PRKACB: variants seen among roughly 807,000 people sequenced by gnomAD.
PRKACB encodes cAMP-dependent protein kinase catalytic subunit beta.
A neutral mutation model predicts 51.4 loss-of-function variants in PRKACB; 16 were observed. The observed-to-expected ratio is 0.31, with a 90% CI of 0.21 to 0.47. PRKACB has a LOEUF of 0.47. PRKACB is among the 20% of genes least tolerant of loss of function. PRKACB has a pLI of 1.00. For synonymous variants in PRKACB, 147 were observed against 154.4 expected (o/e 0.95, Z 0.35); for missense variants, 309 against 464.5 (o/e 0.67, Z 3.08).
intron 8 of PRKACB, chr1:84,204,522 A>G (rs777875432): frequency 1.2e-5 from 19 of 1,603,854 alleles, no homozygotes; most frequent in Admixed American, 8.4e-5. Flanking sequence ...AGAAAAATTA[A>G]CAGACAAGGC....
At chr1:84,130,189 C>CAAAAAA (rs71097833) in intron 1 of PRKACB, among the ~76,000 whole-genome samples, 10 of 56,150 alleles carry the variant, frequency 1.8e-4, no homozygotes, top group Non-Finnish European at 2.6e-4. Context: ...GACTCCGTCT[C>CAAAAAA]AAAAAAAAAA....
At chr1:84,201,095 A>G (rs942403659) in intron 7 of PRKACB, among the ~76,000 whole-genome samples, 2 of 152,110 alleles carry the variant, frequency 1.3e-5, no homozygotes, top group Non-Finnish European at 2.9e-5. Context: ...GGGTCAAGGA[A>G]TAGGAACATT....
chr1:84,190,414 T>C (rs1369106691), intron 5 of PRKACB, among the ~76,000 whole-genome samples: 1 of 151,994 alleles, frequency 6.6e-6, no homozygotes, highest in African/African-American at 2.4e-5. Flanking sequence ...AATTGAGATA[T>C]TAGGCAGAGT....
At position 84,173,262 on chromosome 1, in the gene PRKACB, TG is replaced by T. The variant is rs1660130826; in HGVS notation, c.188-5912del. 8 of 1,277,178 alleles carry T rather than the reference TG, an allele frequency of 6.3e-6. No individual in the cohort carries two copies. The East Asian group carries it at 2.0e-4, about 32-fold the overall frequency. The allele number at this position is 1,277,178 out of a possible 1,614,324, so 79.1% of individuals were successfully genotyped here. Reference sequence around the variant, plus strand: ...CAGTACAGTAGTGAACATGTATAGATGGGTAACTTCTTGTAGGTATGTTATT... The same window carrying T: ...CAGTACAGTAGTGAACATGTATAGATGGTAACTTCTTGTAGGTATGTTATT... On this transcript the variant is annotated intron_variant, in intron 1 of 9. Transcript: ENST00000370685.
upstream of PRKACB, among the ~76,000 whole-genome samples, chr1:84,141,492 T>G (rs1266290210): frequency 1.3e-5 from 2 of 152,160 alleles, no homozygotes; most frequent in Non-Finnish European, 2.9e-5. Flanking sequence ...CTTTAAATAT[T>G]AAATATTCTA....
At chr1:84,151,663 G>A (rs893191611) in intron 1 of PRKACB, among the ~76,000 whole-genome samples, 8 of 152,168 alleles carry the variant, frequency 5.3e-5, no homozygotes, top group African/African-American at 1.9e-4. Context: ...ACCAGAAATA[G>A]ATTCCATCTC....
intron 1 of PRKACB, among the ~76,000 whole-genome samples, chr1:84,109,909 T>A (rs1650078000): frequency 1.3e-5 from 2 of 151,922 alleles, no homozygotes. Context: ...CTTTCCTTAT[T>A]TGTCTTTCAA....
chr1:84,154,474 A>G (rs1456622254), intron 1 of PRKACB, among the ~76,000 whole-genome samples: 1 of 152,122 alleles, frequency 6.6e-6, no homozygotes, highest in Admixed American at 6.6e-5. Flanking sequence ...TTCACTGGTG[A>G]ATTTCTATCA....
At chr1:84,228,344 T>C (rs1227743396) in intron 9 of PRKACB, among the ~76,000 whole-genome samples, 2 of 152,210 alleles carry the variant, frequency 1.3e-5, no homozygotes, top group Non-Finnish European at 2.9e-5. Flanking sequence ...ATCATGAATA[T>C]GAAACCTGCT....
rs191978450 is a variant in PRKACB at position 84,173,281 on chromosome 1, A to G, written c.188-5896A>G. The G allele has an allele frequency of 8.3e-4, 1,199 of 1,452,632 alleles. 6 individuals are homozygous for G. In the African/African-American group the frequency reaches 0.014, roughly 17 times the overall value. 90.0% of individuals were successfully genotyped at this position (1,452,632 alleles called of 1,614,324 possible). A position where few individuals can be genotyped will look rare whatever the true frequency, so the allele number is the denominator to read the frequency against. On this transcript the variant is annotated intron_variant, in intron 1 of 9. Coordinates refer to ENST00000370685, the MANE Select transcript of PRKACB (RefSeq NM_182948.4). ...TATAGATGGGTAACTTCTTGTAGGT[A>G]TGTTATTTTATGTGTTATTTAATCT...
chr1:84,154,557 C>T lies in PRKACB; in HGVS notation c.187+10009C>T, dbSNP rs186856221. ...CTGAAGAAGGGGAAATACTTCCAAG[C>T]TCATTTACCAGGGCAGCATTGCTCT... On this transcript the variant is annotated intron_variant, in intron 1 of 9. Transcript: ENST00000370685. Among the ~76,000 whole-genome samples the T allele has an allele frequency of 1.0e-3, 156 of 152,208 alleles. 2 individuals are homozygous for T. Among genetic ancestry groups the T allele is most frequent in the Admixed American group, 3.9e-3 (59 of 15,254 alleles).
chr1:84,204,236 G>C (rs1408776145), intron 8 of PRKACB, among the ~76,000 whole-genome samples: 1 of 151,780 alleles, frequency 6.6e-6, no homozygotes, highest in African/African-American at 2.4e-5. Context: ...TTTATTATCA[G>C]TATTCACAAA....
chr1:84,182,241 TG>T lies in PRKACB; in HGVS notation c.293del (p.Gly98GlufsTer11). ...AAGATTTTGAAAGGAAAAAAACCCT[TG>T]GAACAGGTTCATTTGGAAGAGTCAT... ...LEDFERKKTL[G>X]TGSFGRVMLV... is the part of the protein sequence containing the mutation. On this transcript the variant is annotated frameshift_variant, in exon 3 of 10. Coordinates refer to ENST00000370685, the MANE Select transcript of PRKACB (RefSeq NM_182948.4). LOFTEE classifies it high-confidence loss of function. 6.3e-7 allele frequency: 1 copy of T among 1,596,362 alleles called. No homozygotes were observed. Among genetic ancestry groups the T allele is most frequent in the Non-Finnish European group, 8.6e-7 (1 of 1,169,224 alleles).
chr1:84,155,086 TA>T (rs912329189), intron 1 of PRKACB, among the ~76,000 whole-genome samples: 12 of 152,120 alleles, frequency 7.9e-5, no homozygotes, highest in African/African-American at 2.4e-4. Context: ...AAGGAAGAAG[TA>T]AAATCTTTTA....
At chr1:84,157,667 T>G (rs1240521191) in intron 1 of PRKACB, among the ~76,000 whole-genome samples, 4 of 152,170 alleles carry the variant, frequency 2.6e-5, no homozygotes, top group Non-Finnish European at 5.9e-5. Flanking sequence ...TATCTTTTAC[T>G]TTTGGCTTCT....
At chr1:84,164,716 G>C in intron 1 of PRKACB, 2 of 1,383,636 alleles carry the variant, frequency 1.4e-6, no homozygotes, top group South Asian at 1.8e-5. Context: ...TGTTCTAGTG[G>C]TATATGAAGG....
intron 9 of PRKACB, among the ~76,000 whole-genome samples, chr1:84,234,709 A>G (rs1025796937): frequency 6.6e-6 from 1 of 152,186 alleles, no homozygotes; most frequent in Non-Finnish European, 1.5e-5. Context: ...TTCTTTGACT[A>G]GGAAAGGGAA....
Position 84,235,767 on chromosome 1 carries a change from A to T in PRKACB, c.*462A>T. The T allele has an allele frequency of 6.5e-6, 1 of 153,452 alleles. No individual in the cohort carries two copies. The highest frequency in any genetic ancestry group is 2.4e-5 in the African/African-American group (1 of 41,446). The allele number at this position is 153,452 out of a possible 1,614,324, so 9.5% of individuals were successfully genotyped here. ...CTTTCTAATAATTATTATTTCTTTGAGTAGCTCAGACTTGGTTTTGCCAAA... is the reference window on the plus strand; with the variant it reads ...CTTTCTAATAATTATTATTTCTTTGTGTAGCTCAGACTTGGTTTTGCCAAA... On this transcript the variant is annotated 3_prime_UTR_variant, in exon 10 of 10. Coordinates refer to ENST00000370685, the MANE Select transcript of PRKACB (RefSeq NM_182948.4).
intron 3 of PRKACB, among the ~76,000 whole-genome samples, chr1:84,183,174 A>C (rs1029142886): frequency 6.6e-6 from 1 of 152,052 alleles, no homozygotes; most frequent in Non-Finnish European, 1.5e-5. Context: ...TCCAGCAAGA[A>C]AGAATGCCAC....
Sources: allele counts gnomAD v4.1 joint callset (sites outside exome capture counted in the v4.1 genomes callset), GRCh38; gene constraint gnomAD v4.1.1; transcripts MANE v1.5; gene names NCBI Gene and HGNC (gene_info 2026-07-23, HGNC 2026-07-21).